ZFP30: variants seen among roughly 807,000 people sequenced by gnomAD.
ZFP30 encodes ZFP30 zinc finger protein.
In ZFP30, 16 loss-of-function variants were observed where a neutral mutation model predicts 12.3. That is an observed-to-expected ratio of 1.30 (90% CI 0.88 to 1.98). The LOEUF (loss-of-function observed/expected upper bound fraction) is 1.98. Ranked by LOEUF, ZFP30 falls within the 30% of genes most tolerant of loss-of-function variation. The probability of loss-of-function intolerance (pLI) is 0.00; values close to 1 mark genes in which losing one functional copy is unlikely to be tolerated. For missense variants in ZFP30, 560 were observed against 611.2 expected, an observed-to-expected ratio of 0.92 and a Z score of 0.88; for synonymous variants, 172 against 201.0, an observed-to-expected ratio of 0.86 and a Z score of 1.22.
At chr19:37,646,724 T>G (rs555256499) in intron 3 of ZFP30, among the ~76,000 whole-genome samples, 2 of 152,138 alleles carry the variant, frequency 1.3e-5, no homozygotes, top group African/African-American at 2.4e-5. Context: ...CACAGGCATA[T>G]GCCACCACAT....
At chr19:37,656,165 G>C (rs1231316519), upstream of ZFP30, 1 of 152,540 alleles carries the variant, frequency 6.6e-6, no homozygotes, top group Non-Finnish European at 1.5e-5. Context: ...TTCCGTGCAC[G>C]GGGCTGCTGC....
intron 2 of ZFP30, among the ~76,000 whole-genome samples, chr19:37,652,663 A>G (rs896437485): frequency 6.6e-6 from 1 of 152,180 alleles, no homozygotes; most frequent in Admixed American, 6.5e-5. Flanking sequence ...AATAATTATT[A>G]TTTCTGGACA....
chr19:37,635,480 T>TA lies in ZFP30; in HGVS notation c.1060dup (p.Tyr354LeufsTer2), dbSNP rs756395946. Reference sequence around the variant, plus strand: ...AGTCTTCCCACATTCCTTACAATCATAAGGCTTCTCACCAGTGTGAATTCT... The same window carrying TA: ...AGTCTTCCCACATTCCTTACAATCATAAAGGCTTCTCACCAGTGTGAATTCT... On this transcript the variant is annotated frameshift_variant, in exon 6 of 6. Transcript: ENST00000684514. LOFTEE classifies it low-confidence loss of function (END_TRUNC). The TA allele has an allele frequency of 6.2e-7, 1 of 1,614,042 alleles. No individual in the cohort carries two copies. The highest frequency in any genetic ancestry group is 8.5e-7 in the Non-Finnish European group (1 of 1,180,030).
chr19:37,652,670 G>T (rs935533089), intron 2 of ZFP30, among the ~76,000 whole-genome samples: 3 of 152,098 alleles, frequency 2.0e-5, no homozygotes, highest in Non-Finnish European at 2.9e-5. Context: ...ATTATTTCTG[G>T]ACATTGGGAC....
chr19:37,651,032 G>C (rs1173424869), intron 2 of ZFP30, among the ~76,000 whole-genome samples: 1 of 152,056 alleles, frequency 6.6e-6, no homozygotes, highest in African/African-American at 2.4e-5. Flanking sequence ...GTGAGCCACT[G>C]CACCCAGCCT....
chr19:37,646,361 C>A (rs1394146702), intron 3 of ZFP30, among the ~76,000 whole-genome samples: 1 of 151,996 alleles, frequency 6.6e-6, no homozygotes, highest in Admixed American at 6.6e-5. Context: ...TTAGAATTTA[C>A]ATTACAAAAA....
rs2044241562 is a variant in ZFP30 at position 37,632,035 on chromosome 19, A to G, written c.*2946T>C. ...CAATTACCAATTCTTCAAAGATTTTACTTGTAAAAAATTAGGTTCTCGGAG... is the reference window on the plus strand; with the variant it reads ...CAATTACCAATTCTTCAAAGATTTTGCTTGTAAAAAATTAGGTTCTCGGAG... On this transcript the variant is annotated 3_prime_UTR_variant, in exon 6 of 6. Coordinates refer to ENST00000684514, the MANE Select transcript of ZFP30 (RefSeq NM_001320669.3). 3 of 152,078 alleles carry G rather than the reference A, an allele frequency of 2.0e-5. No homozygotes were observed. Among genetic ancestry groups the G allele is most frequent in the South Asian group, 4.2e-4 (2 of 4,816 alleles). The allele number at this position is 152,078 out of a possible 1,614,324, so 9.4% of individuals were successfully genotyped here.
intron 5 of ZFP30, among the ~76,000 whole-genome samples, chr19:37,642,104 T>C (rs1247677138): frequency 1.3e-5 from 2 of 152,246 alleles, no homozygotes; most frequent in African/African-American, 2.4e-5. Context: ...GCACTGATAT[T>C]CAATATCTAA....
At chr19:37,641,764 C>T (rs2044440434) in intron 5 of ZFP30, among the ~76,000 whole-genome samples, 1 of 152,232 alleles carries the variant, frequency 6.6e-6, no homozygotes, top group South Asian at 2.1e-4. Flanking sequence ...AATAACTCAT[C>T]CAAACAGAGT....
At chr19:37,647,078 T>C (rs1036521307) in intron 3 of ZFP30, among the ~76,000 whole-genome samples, 4 of 152,204 alleles carry the variant, frequency 2.6e-5, no homozygotes, top group African/African-American at 9.7e-5. Flanking sequence ...AAAATTTGAC[T>C]ACTAGAAAAT....
chr19:37,643,718 T>A (rs1176825598), intron 4 of ZFP30, among the ~76,000 whole-genome samples: 1 of 152,248 alleles, frequency 6.6e-6, no homozygotes, highest in African/African-American at 2.4e-5. Context: ...AGTGTTTAGA[T>A]GAGTACCTGG....
At chr19:37,645,199 C>T (rs566651581) in intron 3 of ZFP30, among the ~76,000 whole-genome samples, 10 of 147,794 alleles carry the variant, frequency 6.8e-5, no homozygotes, top group South Asian at 2.1e-4. Context: ...AGCGACAGAG[C>T]GAGACTCCGT....
chr19:37,654,558 A>G (rs2044714634), intron 2 of ZFP30, among the ~76,000 whole-genome samples, 154 bp downstream of exon 2: 1 of 152,198 alleles, frequency 6.6e-6, no homozygotes, highest in Admixed American at 6.5e-5. Context: ...GGGCACTAAC[A>G]ACGGGAAATC....
chr19:37,643,395 A>C, intron 4 of ZFP30, 32 bp from the exon 5 acceptor site: 1 of 1,430,580 alleles, frequency 7.0e-7, no homozygotes, highest in Non-Finnish European at 9.3e-7. Context: ...ATAATAAAGA[A>C]TTTATTTAAG....
Position 37,635,999 on chromosome 19 carries a change from G to T in ZFP30, c.542C>A (p.Thr181Asn). Residue 181 changes from threonine to asparagine, a missense_variant, in exon 6 of 6, where the codon ACT becomes AAT. By Grantham distance (65) the Thr-to-Asn change is moderately conservative. Coordinates refer to ENST00000684514, the MANE Select transcript of ZFP30 (RefSeq NM_001320669.3). ...QQLTFHQRIH[T>N]GEKPYECKEC... ...TTTACATTCATAGGGTTTCTCACCAGTATGAATTCTTTGATGGAAAGTAAG... is the reference window on the plus strand; with the variant it reads ...TTTACATTCATAGGGTTTCTCACCATTATGAATTCTTTGATGGAAAGTAAG... The T allele has an allele frequency of 6.2e-7, 1 of 1,614,100 alleles. No homozygotes were observed. Among genetic ancestry groups the T allele is most frequent in the Non-Finnish European group, 8.5e-7 (1 of 1,180,020 alleles).
chr19:37,640,610 G>A (rs980334953), intron 5 of ZFP30, among the ~76,000 whole-genome samples: 2 of 151,336 alleles, frequency 1.3e-5, no homozygotes, highest in African/African-American at 2.4e-5. Context: ...ATAGGGGCAG[G>A]GTGTGGTGGC....
intron 2 of ZFP30, 36 bp from the exon 3 acceptor site, chr19:37,647,935 C>A (rs1453533341): frequency 3.0e-6 from 4 of 1,322,764 alleles, no homozygotes; most frequent in Non-Finnish European, 4.3e-6. Context: ...GAGAAGAGAA[C>A]TGCCTCAGAG....
intron 5 of ZFP30, among the ~76,000 whole-genome samples, chr19:37,641,498 T>C (rs2044435041): frequency 6.6e-6 from 1 of 152,194 alleles, no homozygotes; most frequent in Non-Finnish European, 1.5e-5. Flanking sequence ...CAGAACGGCA[T>C]AATAATATCT....
chr19:37,644,616 A>T lies in ZFP30; in HGVS notation c.130T>A (p.Ser44Thr). The change falls in exon 4 of 6, where the codon TCA becomes ACA. Residue 44 changes from serine to threonine, a missense_variant. Coordinates refer to ENST00000684514, the MANE Select transcript of ZFP30 (RefSeq NM_001320669.3). ...ACAGATATGCTAGGCTTACCCAGTGACACCAAGTTGCTATAGTTCTCTAAT... is the reference window on the plus strand; with the variant it reads ...ACAGATATGCTAGGCTTACCCAGTGTCACCAAGTTGCTATAGTTCTCTAAT... ...VILENYSNLV[S>T]LAGCSISKPD... 2 of 1,603,774 alleles carry T rather than the reference A, an allele frequency of 1.2e-6. No individual in the cohort carries two copies. Among genetic ancestry groups the T allele is most frequent in the Non-Finnish European group, 1.7e-6 (2 of 1,176,006 alleles).
Sources: gnomAD v4.1 joint callset for allele counts (sites outside exome capture counted in the v4.1 genomes callset) on GRCh38, gnomAD v4.1.1 for gene constraint, MANE v1.5 for transcripts, NCBI Gene and HGNC (gene_info 2026-07-23, HGNC 2026-07-21) for gene names.